The following MACO1 variants were observed in gnomAD, a reference collection of about 807,000 sequenced individuals.
MACO1 encodes the protein macoilin 1, also known as macoilin.
In MACO1, 14 loss-of-function variants were observed where a neutral mutation model predicts 78.7. That is an observed-to-expected ratio of 0.18 (90% CI 0.12 to 0.28). The LOEUF is 0.28. Ranked by LOEUF, MACO1 falls within the 10% of genes least tolerant of loss-of-function variation. The probability of loss-of-function intolerance (pLI) is 1.00; values close to 1 mark genes in which losing one functional copy is unlikely to be tolerated. For synonymous variants in MACO1, 288 were observed against 291.6 expected (o/e 0.99, Z 0.12); for missense variants, 501 against 799.0 (o/e 0.63, Z 4.50).
intron 1 of MACO1, among the ~76,000 whole-genome samples, chr1:25,431,938 G>A (rs1212851020): frequency 6.7e-6 from 1 of 149,124 alleles, no homozygotes; most frequent in Non-Finnish European, 1.5e-5. Flanking sequence ...TCATCCGCAA[G>A]AAAAGCAGTG....
chr1:25,431,243 C>G, intron 1 of MACO1, 65 bp downstream of exon 1: 1 of 1,334,874 alleles, frequency 7.5e-7, no homozygotes, highest in Non-Finnish European at 1.0e-6. Flanking sequence ...TCCGAGGGGC[C>G]TGGCCCCGTT....
chr1:25,433,460 C>T (rs1039037604), intron 1 of MACO1, among the ~76,000 whole-genome samples: 2 of 152,132 alleles, frequency 1.3e-5, no homozygotes, highest in Admixed American at 1.3e-4. Context: ...CATTTTGTTT[C>T]TCAACAACAT....
chr1:25,454,916 T>C (rs569601222), intron 4 of MACO1, among the ~76,000 whole-genome samples: 1 of 152,280 alleles, frequency 6.6e-6, no homozygotes, highest in South Asian at 2.1e-4. Flanking sequence ...AGCCCCCCCT[T>C]TTCAGGCAGA....
intron 6 of MACO1, among the ~76,000 whole-genome samples, chr1:25,461,356 TATAATA>T (rs1331823348): frequency 1.2e-4 from 18 of 152,000 alleles, no homozygotes; most frequent in African/African-American, 4.4e-4. Flanking sequence ...AAACTTAAAG[TATAATA>T]ATAATAAAAT....
At chr1:25,457,693 A>G (rs1374637790) in intron 5 of MACO1, among the ~76,000 whole-genome samples, 2 of 152,208 alleles carry the variant, frequency 1.3e-5, no homozygotes, top group African/African-American at 4.8e-5. Context: ...GGCAGTAGCT[A>G]GTTTCCATTG....
At chr1:25,432,021 A>G (rs1267850712) in intron 1 of MACO1, among the ~76,000 whole-genome samples, 1 of 152,056 alleles carries the variant, frequency 6.6e-6, no homozygotes, top group Non-Finnish European at 1.5e-5. Context: ...ACTTACTATC[A>G]TAGCTTCCCC....
chr1:25,498,339 G>C lies in MACO1; in HGVS notation c.1868G>C (p.Ser623Thr). The C allele has an allele frequency of 6.2e-7, 1 of 1,614,144 alleles. No individual in the cohort carries two copies. The highest frequency in any genetic ancestry group is 1.1e-5 in the South Asian group (1 of 91,074). The change falls in exon 11 of 11, where the codon AGC becomes ACC. Residue 623 changes from serine (S) to threonine (T), a missense_variant. Ser to Thr is a moderately conservative substitution (Grantham distance 58, BLOSUM62 1). Around this residue, in one of 5 missense-constraint regions of MACO1, gnomAD observed 66 missense variants for 101.6 expected, o/e 0.65. Coordinates refer to ENST00000374343, the MANE Select transcript of MACO1 (RefSeq NM_018202.6). Reference protein sequence around the residue: ...KIAEVMAVMPSITYSAATSPL... With the variant: ...KIAEVMAVMPTITYSAATSPL... ...GCCGAAGTCATGGCCGTCATGCCCA[G>C]CATAACATACAGTGCCGCCACCAGC... is the stretch of plus-strand genomic sequence containing the variant.
At chr1:25,495,557 A>C (rs1168711436) in intron 10 of MACO1, among the ~76,000 whole-genome samples, 2 of 152,114 alleles carry the variant, frequency 1.3e-5, no homozygotes, top group African/African-American at 2.4e-5. Context: ...CTCCCTCCCT[A>C]CAGGGTTGTG....
intron 6 of MACO1, among the ~76,000 whole-genome samples, chr1:25,480,237 T>C (rs763899977): frequency 1.2e-4 from 19 of 152,260 alleles, no homozygotes; most frequent in Non-Finnish European, 2.5e-4. Flanking sequence ...TGCCATTTAC[T>C]GTTTTATGTT....
In MACO1 at chr1:25,466,799, G is replaced by A. The variant is rs150945511; in HGVS notation, c.1154+7907G>A. ...GAAATTTTTATTTTAATGAGGTCTA[G>A]CTTGTCAATTTTTTCTTTCATAGAT... On this transcript the variant is annotated intron_variant, in intron 6 of 10. Transcript: ENST00000374343. Among the ~76,000 whole-genome samples the A allele has an allele frequency of 4.4e-4, 67 of 152,242 alleles. 1 individual carries two copies. The East Asian group carries it at 0.012, about 28-fold the overall frequency.
rs1361198333 is a variant in MACO1, at chr1:25,498,273, T to C, written c.1802T>C (p.Leu601Pro). The C allele has an allele frequency of 6.2e-7, 1 of 1,614,158 alleles. No homozygotes were observed. Among genetic ancestry groups the C allele is most frequent in the Admixed American group, 1.7e-5 (1 of 60,020 alleles). Residue 601 changes from leucine to proline, a missense_variant, in exon 11 of 11, where the codon CTT becomes CCT. Around this residue, in one of 5 missense-constraint regions of MACO1, gnomAD observed 66 missense variants for 101.6 expected, o/e 0.65. Coordinates refer to ENST00000374343, the MANE Select transcript of MACO1 (RefSeq NM_018202.6). ...GTCTTTGATCTTACAGGACAAATCCTTCAGAAAGATCAGGAAATCAAGGAC... is the reference window on the plus strand; with the variant it reads ...GTCTTTGATCTTACAGGACAAATCCCTCAGAAAGATCAGGAAATCAAGGAC... ...RQLEIAQGQI[L>P]QKDQEIKDLK...
intron 1 of MACO1, among the ~76,000 whole-genome samples, chr1:25,431,737 C>G (rs1018551746): frequency 6.6e-6 from 1 of 152,210 alleles, no homozygotes; most frequent in Non-Finnish European, 1.5e-5. Flanking sequence ...TTCTGCTTCC[C>G]ATATGGGATC....
At chr1:25,487,736 A>G (rs77733111) in intron 8 of MACO1, among the ~76,000 whole-genome samples, 7,321 of 152,164 alleles carry the variant, frequency 0.048, 560 homozygotes, top group African/African-American at 0.16. Context: ...GTGGGGGGAA[A>G]ATTTTTTTCT....
chr1:25,458,263 A>G, intron 5 of MACO1, 128 bp from the exon 6 acceptor site: 2 of 1,301,348 alleles, frequency 1.5e-6, no homozygotes, highest in Non-Finnish European at 2.1e-6. Context: ...ATTAGCGTAT[A>G]ATGAGTGTGC....
intron 1 of MACO1, among the ~76,000 whole-genome samples, chr1:25,431,568 C>T (rs1318958235): frequency 8.6e-5 from 13 of 152,028 alleles, no homozygotes; most frequent in East Asian, 1.9e-4. Flanking sequence ...CCCCCGAGCC[C>T]CCCGGTGGCC....
At chr1:25,474,748 G>A (rs1373619915) in intron 6 of MACO1, among the ~76,000 whole-genome samples, 1 of 152,176 alleles carries the variant, frequency 6.6e-6, no homozygotes, top group Non-Finnish European at 1.5e-5. Context: ...TTTTTCTACT[G>A]TGTTCTCAGA....
chr1:25,453,228 C>G lies in MACO1; in HGVS notation c.350-1031C>G, dbSNP rs1351912729. ...GCCATGTTGGCCAGGCTGGTCTTGA[C>G]TCCCGACCTCAGGTGATCCGCCCTC... On this transcript the variant is annotated intron_variant, in intron 3 of 10. Coordinates refer to ENST00000374343, the MANE Select transcript of MACO1 (RefSeq NM_018202.6). 4.3e-4 allele frequency among the ~76,000 whole-genome samples: 65 copies of G among 150,230 alleles called. 1 individual carries two copies. The highest frequency in any genetic ancestry group is 1.5e-5 in the Non-Finnish European group (1 of 67,506).
At chr1:25,448,737 T>C in intron 2 of MACO1, 71 bp from the exon 3 acceptor site, 1 of 1,383,116 alleles carries the variant, frequency 7.2e-7, no homozygotes, top group Non-Finnish European at 9.6e-7. Flanking sequence ...CCAACATGTG[T>C]TTAACAATGT....
intron 10 of MACO1, among the ~76,000 whole-genome samples, chr1:25,494,865 G>A (rs1292337569): frequency 1.3e-5 from 2 of 152,188 alleles, no homozygotes; most frequent in African/African-American, 4.8e-5. Flanking sequence ...TCAGTCAGTG[G>A]GAACTTTGGG....
Sources: gnomAD v4.1 joint callset for allele counts (sites outside exome capture counted in the v4.1 genomes callset) on GRCh38, gnomAD v4.1.1 for gene constraint, gnomAD v4.1.1 regional missense constraint, MANE v1.5 for transcripts, NCBI Gene and HGNC (gene_info 2026-07-23, HGNC 2026-07-21) for gene names.